Variants in CDIN1 observed in about 807,000 individuals in gnomAD.
The protein encoded by CDIN1 is CDAN1-interacting nuclease 1.
CDIN1 carries 33 observed loss-of-function variants against 45.3 expected under a neutral mutation model. That is an observed-to-expected ratio of 0.73 (90% confidence interval 0.55 to 0.97). The LOEUF (loss-of-function observed/expected upper bound fraction) is 0.97, where lower values mean the gene tolerates loss of function less well. CDIN1 is among the 50% of genes least tolerant of loss of function. The pLI is 0.00. For synonymous variants in CDIN1, 118 were observed against 124.4 expected, an observed-to-expected ratio of 0.95 and a Z score of 0.34; for missense variants, 303 against 339.4, an observed-to-expected ratio of 0.89 and a Z score of 0.84.
At chr15:36,596,132 T>A (rs1183370095) in intron 1 of CDIN1, among the ~76,000 whole-genome samples, 2 of 151,198 alleles carry the variant, frequency 1.3e-5, no homozygotes, top group Non-Finnish European at 2.9e-5. Flanking sequence ...AAATAATTGC[T>A]AACAAAAAAT....
At chr15:36,605,547 G>A (rs910438467) in intron 1 of CDIN1, among the ~76,000 whole-genome samples, 1 of 152,226 alleles carries the variant, frequency 6.6e-6, no homozygotes, top group Non-Finnish European at 1.5e-5. Flanking sequence ...TGGCTTCTGT[G>A]TGTAGTCAGA....
intron 10 of CDIN1, among the ~76,000 whole-genome samples, chr15:36,753,605 A>G (rs955553443): frequency 4.3e-5 from 6 of 139,852 alleles, no homozygotes; most frequent in African/African-American, 8.3e-5. Flanking sequence ...AACTATTGAC[A>G]TGTACTTTTT....
chr15:36,745,091 G>C (rs573443853), intron 10 of CDIN1, among the ~76,000 whole-genome samples: 1 of 151,958 alleles, frequency 6.6e-6, no homozygotes, highest in Non-Finnish European at 1.5e-5. Context: ...ACCCAGCCAG[G>C]GTTATACATA....
At chr15:36,755,759 G>C (rs1451463822) in intron 10 of CDIN1, among the ~76,000 whole-genome samples, 2 of 152,104 alleles carry the variant, frequency 1.3e-5, no homozygotes, top group African/African-American at 2.4e-5. Context: ...TCCTCGTGTT[G>C]GGTTTTTCAG....
chr15:36,748,635 A>C (rs1316248894), intron 10 of CDIN1, among the ~76,000 whole-genome samples: 26 of 151,944 alleles, frequency 1.7e-4, no homozygotes, highest in Admixed American at 1.7e-3. Flanking sequence ...TATTTTTTCC[A>C]TTTTAGATTT....
intron 10 of CDIN1, among the ~76,000 whole-genome samples, chr15:36,753,030 T>A (rs1267072825): frequency 6.6e-6 from 1 of 152,124 alleles, no homozygotes; most frequent in Non-Finnish European, 1.5e-5. Flanking sequence ...AATAATGAGG[T>A]TAAAAATGGA....
At chr15:36,581,585 G>C (rs1250869504) in intron 1 of CDIN1, among the ~76,000 whole-genome samples, 1 of 152,228 alleles carries the variant, frequency 6.6e-6, no homozygotes, top group Admixed American at 6.5e-5. Context: ...AGGGATTAAA[G>C]AGCTATTTAG....
At chr15:36,795,787 C>T (rs189249814) in intron 10 of CDIN1, among the ~76,000 whole-genome samples, 103 of 152,126 alleles carry the variant, frequency 6.8e-4, no homozygotes, top group African/African-American at 2.4e-3. Flanking sequence ...ACTGCAACCT[C>T]GAACTCCTGG....
intron 1 of CDIN1, among the ~76,000 whole-genome samples, chr15:36,584,144 C>T (rs2037179237): frequency 6.6e-6 from 1 of 152,172 alleles, no homozygotes; most frequent in African/African-American, 2.4e-5. Flanking sequence ...TGATGGTGGT[C>T]ATAGTGGTGG....
chr15:36,631,012 A>T (rs28437298), intron 1 of CDIN1, among the ~76,000 whole-genome samples: 13,990 of 152,234 alleles, frequency 0.092, 737 homozygotes, highest in Middle Eastern at 0.13. Flanking sequence ...TCAACATGAG[A>T]TTTGGAGGAG....
chr15:36,587,099 C>A (rs144561306), intron 1 of CDIN1, among the ~76,000 whole-genome samples: 160 of 152,306 alleles, frequency 1.1e-3, no homozygotes, highest in African/African-American at 3.7e-3. Context: ...TACCATAAAT[C>A]GCTAAGCAAA....
chr15:36,609,276 A>G (rs572360096), intron 1 of CDIN1, among the ~76,000 whole-genome samples: 1 of 152,336 alleles, frequency 6.6e-6, no homozygotes, highest in African/African-American at 2.4e-5. Context: ...TTGGCCTCCC[A>G]AAGTTTTGGG....
intron 5 of CDIN1, among the ~76,000 whole-genome samples, chr15:36,684,278 G>A (rs1194027359): frequency 2.0e-5 from 3 of 151,802 alleles, no homozygotes; most frequent in African/African-American, 7.3e-5. Flanking sequence ...AGAGTTTTTA[G>A]CATGAAGGGT....
intron 10 of CDIN1, among the ~76,000 whole-genome samples, chr15:36,786,338 C>T (rs930297001): frequency 6.6e-6 from 1 of 152,166 alleles, no homozygotes. Context: ...ATTAAGAATG[C>T]TACTTGCCCT....
At chr15:36,691,538 G>T in intron 5 of CDIN1, 147 bp from the exon 6 acceptor site, 1 of 585,620 alleles carries the variant, frequency 1.7e-6, no homozygotes, top group Non-Finnish European at 3.0e-6. Context: ...AAAAGCTTCT[G>T]TTAGATTATA....
intron 3 of CDIN1, among the ~76,000 whole-genome samples, chr15:36,653,782 T>C (rs1405741051): frequency 5.9e-5 from 9 of 152,226 alleles, no homozygotes; most frequent in Non-Finnish European, 1.2e-4. Context: ...TGGTTGTCTG[T>C]GGTAGAGACA....
At chr15:36,642,594 C>G (rs560241146) in intron 1 of CDIN1, among the ~76,000 whole-genome samples, 1 of 152,314 alleles carries the variant, frequency 6.6e-6, no homozygotes, top group African/African-American at 2.4e-5. Flanking sequence ...CTATCCTTGG[C>G]TTATACAGTA....
At chr15:36,725,657 A>C (rs1024736579) in intron 10 of CDIN1, among the ~76,000 whole-genome samples, 4 of 152,194 alleles carry the variant, frequency 2.6e-5, no homozygotes, top group Admixed American at 2.6e-4. Flanking sequence ...AGTTGGAGGC[A>C]AGAGAACTAT....
rs576122437 is a variant in CDIN1 at position 36,598,371 on chromosome 15, CAAAAGG to C, written c.101+18411_101+18416del. ...TTTAAACAAAATAGTCCATTGGAAA[CAAAAGG>C]TTTTTTGCTTAGTATTCTTTCCTAA... is the stretch of plus-strand genomic sequence containing the variant. On this transcript the variant is annotated intron_variant, in intron 1 of 10. Transcript: ENST00000566621. Among the ~76,000 whole-genome samples, 380 of 152,120 alleles carry C rather than the reference CAAAAGG, an allele frequency of 2.5e-3. 3 individuals are homozygous for C. The highest frequency in any genetic ancestry group is 8.8e-3 in the African/African-American group (367 of 41,502).
Sources: allele counts gnomAD v4.1 joint callset (sites outside exome capture counted in the v4.1 genomes callset), GRCh38; gene constraint gnomAD v4.1.1; transcripts MANE v1.5; gene names NCBI Gene and HGNC (gene_info 2026-07-23, HGNC 2026-07-21).